Variants in OPCML observed in about 807,000 individuals in gnomAD.
OPCML encodes opioid binding protein/cell adhesion molecule like.
A neutral mutation model predicts 37.8 loss-of-function variants in OPCML; 13 were observed. That is an observed-to-expected ratio of 0.34 (90% CI 0.22 to 0.55). The LOEUF is 0.55. Among genes scored for constraint, OPCML ranks in the 20% least tolerant of loss-of-function variants. The pLI, the probability that OPCML is intolerant of heterozygous loss-of-function variation, is 0.91. For synonymous variants in OPCML, 176 were observed against 168.8 expected, an observed-to-expected ratio of 1.04 and a Z score of -0.33; for missense variants, 341 against 435.6, an observed-to-expected ratio of 0.78 and a Z score of 1.93.
At chr11:133,489,290 A>G (rs1326940669) in intron 1 of OPCML, among the ~76,000 whole-genome samples, 1 of 151,730 alleles carries the variant, frequency 6.6e-6, no homozygotes, top group African/African-American at 2.4e-5. Flanking sequence ...TCAACAGACC[A>G]CCTAAAGAAC....
At chr11:133,439,173 G>A (rs1168847703) in intron 1 of OPCML, 11 of 542,416 alleles carry the variant, frequency 2.0e-5, no homozygotes, top group South Asian at 8.0e-5. Context: ...ATTGGCACCC[G>A]AAGTGGGGCA....
At chr11:133,085,701 G>C (rs1222467049) in intron 1 of OPCML, among the ~76,000 whole-genome samples, 1 of 152,234 alleles carries the variant, frequency 6.6e-6, no homozygotes, top group East Asian at 1.9e-4. Flanking sequence ...CAGACCAAAA[G>C]AAGGTAAAAG....
intron 1 of OPCML, among the ~76,000 whole-genome samples, chr11:133,282,651 C>T (rs375156659): frequency 1.4e-4 from 22 of 152,286 alleles, no homozygotes; most frequent in African/African-American, 5.1e-4. Context: ...CACCCTCCAG[C>T]CCCCAGAATG....
chr11:133,248,744 C>T (rs921133466), intron 1 of OPCML, among the ~76,000 whole-genome samples: 2 of 152,120 alleles, frequency 1.3e-5, no homozygotes, highest in Non-Finnish European at 2.9e-5. Context: ...AATTAAAGGG[C>T]TGGAGTTGTG....
intron 2 of OPCML, among the ~76,000 whole-genome samples, chr11:132,809,887 G>A (rs1208175125): frequency 3.3e-5 from 5 of 152,002 alleles, no homozygotes; most frequent in African/African-American, 1.2e-4. Flanking sequence ...ATCTTGCTCT[G>A]TCGCCAGGCT....
rs149199923 is a variant in OPCML, at chr11:132,450,001, C to G, written c.506-12642G>C. On this transcript the variant is annotated intron_variant, in intron 4 of 7. Coordinates refer to ENST00000524381, the MANE Select transcript of OPCML (RefSeq NM_001012393.5). ...GGAGGTGTGAGTTCTGTTTCTGCCC[C>G]AGAAACCTGCGCTGGCTCTGGTTCT... 4.6e-3 allele frequency among the ~76,000 whole-genome samples: 705 copies of G among 152,278 alleles called. 1 individual carries two copies. The highest frequency in any genetic ancestry group is 8.4e-3 in the Admixed American group (128 of 15,308).
intron 1 of OPCML, among the ~76,000 whole-genome samples, chr11:133,400,081 G>A (rs1945369568): frequency 6.6e-6 from 1 of 152,020 alleles, no homozygotes; most frequent in Non-Finnish European, 1.5e-5. Flanking sequence ...ACTATTTTTA[G>A]ACCTATTCAT....
intron 3 of OPCML, among the ~76,000 whole-genome samples, chr11:132,550,841 T>C (rs754683768): frequency 2.0e-5 from 3 of 152,226 alleles, no homozygotes; most frequent in Non-Finnish European, 4.4e-5. Flanking sequence ...AATATGTGCA[T>C]GCCAGGAAAC....
intron 1 of OPCML, among the ~76,000 whole-genome samples, chr11:133,475,211 GT>G (rs370266493): frequency 0.01 from 1,296 of 125,658 alleles, 12 homozygotes; most frequent in African/African-American, 0.038. Flanking sequence ...TGTTTTTGTG[GT>G]TTTTTTTTGT....
chr11:133,242,882 A>C (rs1940781329), intron 1 of OPCML, among the ~76,000 whole-genome samples: 1 of 152,200 alleles, frequency 6.6e-6, no homozygotes, highest in African/African-American at 2.4e-5. Context: ...TGATTGTTTT[A>C]TTTTTTGGCA....
At chr11:133,362,411 C>T (rs1264879109) in intron 1 of OPCML, among the ~76,000 whole-genome samples, 1 of 152,176 alleles carries the variant, frequency 6.6e-6, no homozygotes, top group Non-Finnish European at 1.5e-5. Flanking sequence ...GAGGCTGCCT[C>T]CCCTCGGACA....
chr11:133,332,581 G>A (rs1426060433), intron 1 of OPCML, among the ~76,000 whole-genome samples: 4 of 152,124 alleles, frequency 2.6e-5, no homozygotes, highest in East Asian at 1.9e-4. Flanking sequence ...CTGTGGGTAT[G>A]TCATAGATGG....
intron 1 of OPCML, among the ~76,000 whole-genome samples, chr11:133,487,069 C>T (rs1442547444): frequency 6.6e-6 from 1 of 152,110 alleles, no homozygotes; most frequent in African/African-American, 2.4e-5. Flanking sequence ...TTCTAAATAA[C>T]TTCCTACCTC....
chr11:133,391,745 G>A (rs1282578758), intron 1 of OPCML, among the ~76,000 whole-genome samples: 3 of 152,180 alleles, frequency 2.0e-5, no homozygotes, highest in Non-Finnish European at 2.9e-5. Context: ...ATAACAGCAA[G>A]AACTTATCAA....
chr11:132,425,744 T>G (rs2095975827), intron 7 of OPCML, among the ~76,000 whole-genome samples: 1 of 152,206 alleles, frequency 6.6e-6, no homozygotes. Context: ...TGGCTGGTAA[T>G]TGGGTGACCT....
chr11:132,488,004 C>T (rs1257710183), intron 4 of OPCML, among the ~76,000 whole-genome samples: 3 of 152,192 alleles, frequency 2.0e-5, no homozygotes, highest in Non-Finnish European at 4.4e-5. Context: ...TGCAGAGATC[C>T]AGTTGGCTCC....
chr11:132,726,720 C>A (rs1187995928), intron 2 of OPCML, among the ~76,000 whole-genome samples: 1 of 152,026 alleles, frequency 6.6e-6, no homozygotes, highest in Non-Finnish European at 1.5e-5. Flanking sequence ...AGAAGCAGGA[C>A]CGTGGAAGAG....
At chr11:133,446,518 G>A (rs1419424208) in intron 1 of OPCML, among the ~76,000 whole-genome samples, 1 of 152,056 alleles carries the variant, frequency 6.6e-6, no homozygotes, top group Non-Finnish European at 1.5e-5. Flanking sequence ...TCCAACTCCT[G>A]GGCTCAAGGG....
intron 1 of OPCML, among the ~76,000 whole-genome samples, chr11:133,001,295 T>A (rs1371698657): frequency 6.6e-6 from 1 of 152,204 alleles, no homozygotes; most frequent in Non-Finnish European, 1.5e-5. Flanking sequence ...CATTTACACA[T>A]GTGCACACAC....
Sources: allele counts gnomAD v4.1 joint callset (sites outside exome capture counted in the v4.1 genomes callset), GRCh38; gene constraint gnomAD v4.1.1; transcripts MANE v1.5; gene names NCBI Gene and HGNC (gene_info 2026-07-23, HGNC 2026-07-21).